Variants in NUP88 observed in about 807,000 individuals in gnomAD.
The protein encoded by NUP88 is nuclear pore complex protein Nup88.
A neutral mutation model predicts 93.9 loss-of-function variants in NUP88; 57 were observed. The observed-to-expected ratio is 0.61, with a 90% CI of 0.49 to 0.76. NUP88 has a LOEUF of 0.76. NUP88 is among the 30% of genes least tolerant of loss of function. NUP88 has a pLI of 0.00. For synonymous variants in NUP88, 346 were observed against 336.8 expected (o/e 1.03, Z -0.30); for missense variants, 911 against 901.0 (o/e 1.01, Z -0.14).
chr17:5,395,115 C>T, intron 8 of NUP88, 134 bp from the exon 9 acceptor site: 2 of 628,750 alleles, frequency 3.2e-6, no homozygotes, highest in South Asian at 1.9e-5. Flanking sequence ...GCTTTTCTGA[C>T]ATAGGCATAC....
chr17:5,416,476 TATA>T, intron 2 of NUP88, 34 bp downstream of exon 2: 1 of 1,412,370 alleles, frequency 7.1e-7, no homozygotes. Flanking sequence ...TTTCTGTATA[TATA>T]ATAAATTATA....
chr17:5,394,788 T>G, intron 9 of NUP88, 103 bp downstream of exon 9: 1 of 781,284 alleles, frequency 1.3e-6, no homozygotes, highest in Admixed American at 2.0e-5. Flanking sequence ...TTCAAATGAC[T>G]CAGCAGTGAA....
rs1381470363 is a variant in NUP88, at chr17:5,405,075, T to C, written c.1026A>G (p.Glu342=). Residue 342 remains glutamate (E), a synonymous_variant, in exon 6 of 17, where the codon GAA becomes GAG. Coordinates refer to ENST00000573584, the MANE Select transcript of NUP88 (RefSeq NM_002532.6). ...CACTTACCGTGTGGTCATCTTCTTC[T>C]TCCCCTTCTAGCACGACACAGTGAT... ...MLYHCVVLEG[E]EEDDHTSEKS... is the part of the protein sequence containing the mutation. 2 of 1,613,878 alleles carry C rather than the reference T, an allele frequency of 1.2e-6. No individual in the cohort carries two copies. The highest frequency in any genetic ancestry group is 8.5e-7 in the Non-Finnish European group (1 of 1,179,928).
intron 7 of NUP88, among the ~76,000 whole-genome samples, chr17:5,402,287 A>G (rs1454501163): frequency 1.3e-5 from 2 of 150,678 alleles, no homozygotes; most frequent in African/African-American, 4.9e-5. Flanking sequence ...AGCTTGGGCA[A>G]CAGGAGCAAA....
chr17:5,418,584 T>C (rs567468779), intron 1 of NUP88, among the ~76,000 whole-genome samples: 1 of 152,232 alleles, frequency 6.6e-6, no homozygotes, highest in East Asian at 1.9e-4. Context: ...ATTGGGTAAA[T>C]AAGTAGACTG....
At chr17:5,409,393 AAAAT>A (rs1275420783) in intron 4 of NUP88, among the ~76,000 whole-genome samples, 5 of 142,534 alleles carry the variant, frequency 3.5e-5, no homozygotes, top group African/African-American at 5.1e-5. Context: ...AAAAAAAAAA[AAAAT>A]TCTCATGAAA....
intron 7 of NUP88, among the ~76,000 whole-genome samples, chr17:5,400,295 G>A (rs957278748): frequency 3.4e-4 from 51 of 151,862 alleles, no homozygotes; most frequent in African/African-American, 1.1e-3. Flanking sequence ...TCAGGAGTTC[G>A]AGACCAGCCT....
chr17:5,410,780 T>G lies in NUP88; in HGVS notation c.603A>C (p.Ser201=), dbSNP rs1185754620. ...TAGTGGGTGTCTGCGGCTCACGTAG[T>G]GAGTAAATTCTAGCAACCAAAAGAG... is the stretch of plus-strand genomic sequence containing the variant. ...LTSDNVIRIY[S]LREPQTPTNV... is the part of the protein sequence containing the mutation. The change falls in exon 4 of 17, where the codon TCA becomes TCC. Residue 201 remains serine (S), a synonymous_variant. Transcript: ENST00000573584. 1.2e-6 allele frequency: 2 copies of G among 1,602,922 alleles called. No individual in the cohort carries two copies. Among genetic ancestry groups the G allele is most frequent in the African/African-American group, 1.3e-5 (1 of 74,304 alleles).
intron 10 of NUP88, among the ~76,000 whole-genome samples, chr17:5,389,761 G>A (rs1434616868): frequency 4.1e-5 from 5 of 122,084 alleles, no homozygotes; most frequent in South Asian, 2.9e-4. Flanking sequence ...GGGTGACAGA[G>A]CAAGACTCTG....
In NUP88 at chr17:5,387,446, G is replaced by A; in HGVS notation, c.1856C>T (p.Ala619Val). The A allele has an allele frequency of 1.2e-6, 2 of 1,614,116 alleles. No homozygotes were observed. The highest frequency in any genetic ancestry group is 1.7e-6 in the Non-Finnish European group (2 of 1,180,002). The change falls in exon 14 of 17, where the codon GCT becomes GTT. Residue 619 changes from alanine to valine, a missense_variant. Physicochemically the swap from Ala to Val is moderately conservative, Grantham distance 64. Transcript: ENST00000573584. Reference protein sequence around the residue: ...REERKSLREMAERLADKYEEA... With the variant: ...REERKSLREMVERLADKYEEA... Reference sequence around the variant, plus strand: ...CTCATATTTGTCAGCTAAACGCTCAGCCATTTCCCGCAGACTTTTCCTAAT... The same window carrying A: ...CTCATATTTGTCAGCTAAACGCTCAACCATTTCCCGCAGACTTTTCCTAAT...
At chr17:5,395,166 A>C (rs1912694689) in intron 8 of NUP88, among the ~76,000 whole-genome samples, 185 bp from the exon 9 acceptor site, 1 of 152,156 alleles carries the variant, frequency 6.6e-6, no homozygotes, top group African/African-American at 2.4e-5. Flanking sequence ...AAGAAGTAGG[A>C]TTTTCCTTCG....
intron 7 of NUP88, among the ~76,000 whole-genome samples, chr17:5,400,185 G>C (rs1009681944): frequency 6.9e-6 from 1 of 144,618 alleles, no homozygotes; most frequent in Non-Finnish European, 1.5e-5. Context: ...AAAATGAGGA[G>C]GTATGCCTAT....
Position 5,419,617 on chromosome 17 carries a change from C to G in NUP88, c.34G>C (p.Glu12Gln), listed in dbSNP as rs762522359. ...AAAEGPVGDG[E>Q]LWQTWLPNHV... ...TTAGGAAGCCAGGTCTGCCACAGCT[C>G]GCCGTCGCCCACCGGTCCCTCGGCG... The change falls in exon 1 of 17, where the codon GAG (glutamate) becomes CAG (glutamine). Residue 12 changes from glutamate to glutamine, a missense_variant. Coordinates refer to ENST00000573584, the MANE Select transcript of NUP88 (RefSeq NM_002532.6). 2.5e-6 allele frequency: 4 copies of G among 1,596,780 alleles called. No individual in the cohort carries two copies. Among genetic ancestry groups the G allele is most frequent in the Non-Finnish European group, 3.4e-6 (4 of 1,170,024 alleles).
chr17:5,414,231 T>C, intron 2 of NUP88, 97 bp from the exon 3 acceptor site: 1 of 1,100,490 alleles, frequency 9.1e-7, no homozygotes, highest in Non-Finnish European at 1.3e-6. Context: ...GTTTCTCTCT[T>C]GTTGCCCAGG....
At chr17:5,397,884 A>T (rs1197237211) in intron 8 of NUP88, among the ~76,000 whole-genome samples, 1 of 151,892 alleles carries the variant, frequency 6.6e-6, no homozygotes, top group Non-Finnish European at 1.5e-5. Flanking sequence ...AATTGGTATT[A>T]ATTCTTTTTT....
intron 4 of NUP88, among the ~76,000 whole-genome samples, chr17:5,410,482 C>T (rs922706912): frequency 6.0e-5 from 5 of 83,428 alleles, no homozygotes; most frequent in Non-Finnish European, 9.9e-5. Context: ...GTAATTCCAG[C>T]ACTTTGGGGA....
chr17:5,419,382 C>T lies in NUP88; in HGVS notation c.269G>A (p.Gly90Asp), dbSNP rs777451027. Residue 90 changes from glycine (G) to aspartate (D), a missense_variant, in exon 1 of 17, where the codon GGC (glycine) becomes GAC (aspartate). By Grantham distance (94) the Gly-to-Asp change is moderately conservative. Coordinates refer to ENST00000573584, the MANE Select transcript of NUP88 (RefSeq NM_002532.6). ...GTACTGGGACAGGGCGGGCTCTTCG[C>T]CGCCGCCGCTGGGGCCCCGAAGGCG... ...VVRLRGPSGG[G>D]EEPALSQYQR... is the part of the protein sequence containing the mutation. 17 of 1,600,194 alleles carry T rather than the reference C, an allele frequency of 1.1e-5. No homozygotes were observed. The highest frequency in any genetic ancestry group is 1.4e-5 in the Non-Finnish European group (17 of 1,174,228).
chr17:5,395,714 C>T (rs1308754038), intron 8 of NUP88, among the ~76,000 whole-genome samples: 1 of 151,860 alleles, frequency 6.6e-6, no homozygotes, highest in Non-Finnish European at 1.5e-5. Context: ...GACAGGGTTT[C>T]ACGGTATTGG....
At chr17:5,404,383 C>A (rs1913360330) in intron 6 of NUP88, 137 bp from the exon 7 acceptor site, 2 of 729,560 alleles carry the variant, frequency 2.7e-6, no homozygotes, top group Non-Finnish European at 4.5e-6. Context: ...GAGGCCGAGG[C>A]AGGTGGATCA....
Sources: gnomAD v4.1 joint callset for allele counts (sites outside exome capture counted in the v4.1 genomes callset) on GRCh38, gnomAD v4.1.1 for gene constraint, MANE v1.5 for transcripts, NCBI Gene and HGNC (gene_info 2026-07-23, HGNC 2026-07-21) for gene names.